GFRA2: variants seen among roughly 807,000 people sequenced by gnomAD.
The protein encoded by GFRA2 is GDNF family receptor alpha 2.
Under a neutral mutation model 48.3 loss-of-function variants are expected in GFRA2, and 17 were observed. The ratio of observed to expected loss-of-function variants is 0.35; its 90% CI spans 0.24 to 0.53. The LOEUF (loss-of-function observed/expected upper bound fraction) is 0.53, where lower values mean the gene tolerates loss of function less well. Ranked by LOEUF, GFRA2 falls within the 20% of genes least tolerant of loss-of-function variation. GFRA2 has a pLI of 0.93. For missense variants in GFRA2, 660 were observed against 637.3 expected, an observed-to-expected ratio of 1.04 and a Z score of -0.38; for synonymous variants, 305 against 257.2, an observed-to-expected ratio of 1.19 and a Z score of -1.78.
At chr8:21,746,396 T>C (rs997077621) in intron 4 of GFRA2, among the ~76,000 whole-genome samples, 2 of 152,120 alleles carry the variant, frequency 1.3e-5, no homozygotes, top group African/African-American at 2.4e-5. Flanking sequence ...ACATTGAAAT[T>C]TGCATGCAGA....
chr8:21,805,790 T>G (rs1204083055), intron 1 of GFRA2, among the ~76,000 whole-genome samples: 1 of 152,164 alleles, frequency 6.6e-6, no homozygotes, highest in African/African-American at 2.4e-5. Context: ...ACTTGCCAGG[T>G]TAATAATTTG....
At chr8:21,727,540 C>G (rs980657582) in intron 4 of GFRA2, among the ~76,000 whole-genome samples, 3 of 152,184 alleles carry the variant, frequency 2.0e-5, no homozygotes, top group Non-Finnish European at 2.9e-5. Flanking sequence ...CCATCACGGC[C>G]CCCCCCAGGA....
At chr8:21,707,475 T>C (rs1412517823) in intron 4 of GFRA2, among the ~76,000 whole-genome samples, 1 of 152,178 alleles carries the variant, frequency 6.6e-6, no homozygotes, top group Non-Finnish European at 1.5e-5. Flanking sequence ...AGACACGGGC[T>C]GAGTATGTCC....
In GFRA2 at chr8:21,694,513, T is replaced by C; in HGVS notation, c.1223A>G (p.Gln408Arg). 2 of 1,610,512 alleles carry C rather than the reference T, an allele frequency of 1.2e-6. No homozygotes were observed. The highest frequency in any genetic ancestry group is 2.2e-5 in the East Asian group (1 of 44,774). Residue 408 changes from glutamine to arginine, a missense_variant, in exon 8 of 9, where the codon CAG becomes CGG. Coordinates refer to ENST00000524240, the MANE Select transcript of GFRA2 (RefSeq NM_001495.5). ...TTTGGAGTTGTTGGCCTTCAGCCCC[T>C]GCTCCTGCGAGAGAGAAGGTGCCAG... is the stretch of plus-strand genomic sequence containing the variant. ...VITTCTSVQE[Q>R]GLKANNSKEL...
chr8:21,772,968 T>G (rs1806509782), intron 3 of GFRA2, among the ~76,000 whole-genome samples: 1 of 152,216 alleles, frequency 6.6e-6, no homozygotes, highest in Admixed American at 6.5e-5. Flanking sequence ...AATCTGCCGG[T>G]ACCTGAGCTT....
chr8:21,745,215 A>G (rs1191187792), intron 4 of GFRA2, among the ~76,000 whole-genome samples: 1 of 152,218 alleles, frequency 6.6e-6, no homozygotes. Flanking sequence ...ATGTGGTGCC[A>G]GGTGAGGTCG....
At chr8:21,697,964 G>C (rs1190434040) in intron 7 of GFRA2, among the ~76,000 whole-genome samples, 1 of 152,136 alleles carries the variant, frequency 6.6e-6, no homozygotes, top group African/African-American at 2.4e-5. Context: ...TTTCCTTTAT[G>C]AATTACCCAG....
At chr8:21,789,100 A>AGTGGCGGT (rs1807435090), upstream of GFRA2, 140 of 138,522 alleles carry the variant, frequency 1.0e-3, no homozygotes, top group African/African-American at 2.8e-3. Flanking sequence ...GACAAGGCGA[A>AGTGGCGGT]GGCGGTGGCG....
intron 3 of GFRA2, among the ~76,000 whole-genome samples, chr8:21,757,902 C>A (rs1805657412): frequency 6.6e-6 from 1 of 152,122 alleles, no homozygotes; most frequent in Non-Finnish European, 1.5e-5. Flanking sequence ...ATGATAACAC[C>A]TATGTTGGTT....
At chr8:21,790,902 C>A (rs1807560995), upstream of GFRA2, among the ~76,000 whole-genome samples, 1 of 152,328 alleles carries the variant, frequency 6.6e-6, no homozygotes, top group South Asian at 2.1e-4. Flanking sequence ...AGGAATTACA[C>A]TGCCAGGCAG....
At chr8:21,771,840 G>A (rs957863675) in intron 3 of GFRA2, among the ~76,000 whole-genome samples, 1 of 152,074 alleles carries the variant, frequency 6.6e-6, no homozygotes, top group Non-Finnish European at 1.5e-5. Context: ...TCCCCACAGA[G>A]AAGTGAAGGG....
At chr8:21,711,622 A>G (rs1379929696) in intron 4 of GFRA2, among the ~76,000 whole-genome samples, 3 of 152,300 alleles carry the variant, frequency 2.0e-5, no homozygotes, top group Non-Finnish European at 4.4e-5. Flanking sequence ...CAGACAATGA[A>G]TATCTTTTTT....
At chr8:21,739,423 G>A (rs1042247600) in intron 4 of GFRA2, among the ~76,000 whole-genome samples, 3 of 152,150 alleles carry the variant, frequency 2.0e-5, no homozygotes, top group East Asian at 1.9e-4. Flanking sequence ...GTTAGTTATC[G>A]GCAGGGATAG....
At chr8:21,705,874 C>T in intron 5 of GFRA2, 58 bp downstream of exon 5, 1 of 1,206,000 alleles carries the variant, frequency 8.3e-7, no homozygotes, top group Non-Finnish European at 1.2e-6. Context: ...CGGCCCCTGC[C>T]CTGCTGAGAT....
intron 4 of GFRA2, among the ~76,000 whole-genome samples, chr8:21,709,601 GCCAGGGA>G (rs1054324458): frequency 6.6e-6 from 1 of 152,162 alleles, no homozygotes; most frequent in Admixed American, 6.5e-5. Flanking sequence ...GTGCCTGGGG[GCCAGGGA>G]CTGGGGCAGT....
At chr8:21,721,764 G>C (rs1259047367) in intron 4 of GFRA2, among the ~76,000 whole-genome samples, 1 of 152,160 alleles carries the variant, frequency 6.6e-6, no homozygotes. Context: ...AGACTCATGT[G>C]AGTACCGTGG....
intron 4 of GFRA2, among the ~76,000 whole-genome samples, chr8:21,715,756 T>C (rs1362765259): frequency 6.6e-6 from 1 of 152,214 alleles, no homozygotes; most frequent in Non-Finnish European, 1.5e-5. Flanking sequence ...AGGAAAAACA[T>C]GCTTTTCTTT....
At chr8:21,729,659 C>G (rs1463514149) in intron 4 of GFRA2, among the ~76,000 whole-genome samples, 1 of 152,188 alleles carries the variant, frequency 6.6e-6, no homozygotes, top group African/African-American at 2.4e-5. Flanking sequence ...GCAGGGAAAT[C>G]CCTTTCTCAA....
At chr8:21,768,311 C>A (rs1470688393) in intron 3 of GFRA2, among the ~76,000 whole-genome samples, 2 of 152,204 alleles carry the variant, frequency 1.3e-5, no homozygotes, top group African/African-American at 4.8e-5. Context: ...CTTCTGCATT[C>A]GGCTCAGGGA....
Sources: gnomAD v4.1 joint callset for allele counts (sites outside exome capture counted in the v4.1 genomes callset) on GRCh38, gnomAD v4.1.1 for gene constraint, MANE v1.5 for transcripts, NCBI Gene and HGNC (gene_info 2026-07-23, HGNC 2026-07-21) for gene names.